SERINC5: variants seen among roughly 807,000 people sequenced by gnomAD.
SERINC5 encodes the protein chromosome 5 open reading frame 12.
In SERINC5, 41 loss-of-function variants were observed where a neutral mutation model predicts 63.1. That is an observed-to-expected ratio of 0.65 (90% CI 0.51 to 0.84). The LOEUF is 0.84. Among genes scored for constraint, SERINC5 ranks in the 40% least tolerant of loss-of-function variants. The pLI is 0.00. For synonymous variants in SERINC5, 222 were observed against 215.2 expected (o/e 1.03, Z -0.28); for missense variants, 523 against 573.0 (o/e 0.91, Z 0.89).
intron 11 of SERINC5, chr5:80,116,377 G>A: frequency 2.2e-6 from 1 of 455,694 alleles, no homozygotes; most frequent in South Asian, 1.6e-5. Context: ...CCTCTTCCTG[G>A]ACAGAGAATG....
rs1745631961 is a variant in SERINC5 at position 80,143,500 on chromosome 5, T to C, written c.*163A>G. ...GACAAACTGGTAGTTTCTTTTTGAA[T>C]TTCAAAAGTAAAAAGCTAATCAGGA... On this transcript the variant is annotated 3_prime_UTR_variant, in exon 12 of 12. Coordinates refer to ENST00000507668, the MANE Select transcript of SERINC5 (RefSeq NM_001174072.3). 2 of 1,357,256 alleles carry C rather than the reference T, an allele frequency of 1.5e-6. No individual in the cohort carries two copies. The highest frequency in any genetic ancestry group is 2.9e-5 in the African/African-American group (2 of 68,072). The allele number at this position is 1,357,256 out of a possible 1,614,324, so 84.1% of individuals were successfully genotyped here. A position where few individuals can be genotyped will look rare whatever the true frequency, so the allele number is the denominator to read the frequency against.
At chr5:80,181,051 G>T (rs1231996502) in intron 2 of SERINC5, among the ~76,000 whole-genome samples, 2 of 152,142 alleles carry the variant, frequency 1.3e-5, no homozygotes, top group South Asian at 2.1e-4. Flanking sequence ...TTCTCCAGGG[G>T]TGTGGCTAAT....
At chr5:80,121,275 G>A (rs1386504186) in intron 11 of SERINC5, among the ~76,000 whole-genome samples, 1 of 152,204 alleles carries the variant, frequency 6.6e-6, no homozygotes, top group Admixed American at 6.5e-5. Context: ...CAAGGTGCTG[G>A]CATCTGCTCA....
At chr5:80,121,786 CAG>C (rs539053604) in intron 11 of SERINC5, among the ~76,000 whole-genome samples, 38 of 152,168 alleles carry the variant, frequency 2.5e-4, no homozygotes, top group Admixed American at 2.1e-3. Flanking sequence ...CACATGGCGA[CAG>C]AGAGAGAAAG....
chr5:80,230,938 G>A lies in SERINC5; in HGVS notation c.27+24958C>T, dbSNP rs571496247. Among the ~76,000 whole-genome samples the A allele has an allele frequency of 1.6e-3, 248 of 152,058 alleles. 6 individuals are homozygous for A. In the South Asian group the frequency reaches 0.048, roughly 30 times the overall value. The stretch of plus-strand genomic sequence containing the variant: ...AGCAATCCTTCCTCCTCAGCCTCCC[G>A]AGTAGCTGGAACTACAGGCGCACAC... On this transcript the variant is annotated intron_variant, in intron 1 of 11. Coordinates refer to ENST00000507668, the MANE Select transcript of SERINC5 (RefSeq NM_001174072.3).
chr5:80,179,129 T>C (rs1482842284), intron 2 of SERINC5, among the ~76,000 whole-genome samples: 1 of 151,936 alleles, frequency 6.6e-6, no homozygotes, highest in Admixed American at 6.6e-5. Flanking sequence ...TGAAACCCTG[T>C]CTCTACTAAA....
chr5:80,139,208 T>G lies in SERINC5; in HGVS notation c.*4455A>C, dbSNP rs1745359275. ...TAAAAAATTAGCAAAGTTATATCTATAAAACTTTTGTAGTTTTCTTTTTGC... is the reference window on the plus strand; with the variant it reads ...TAAAAAATTAGCAAAGTTATATCTAGAAAACTTTTGTAGTTTTCTTTTTGC... On this transcript the variant is annotated 3_prime_UTR_variant, in exon 12 of 12. Transcript: ENST00000507668. 1.0e-6 allele frequency: 1 copy of G among 978,934 alleles called. No homozygotes were observed. The highest frequency in any genetic ancestry group is 1.2e-6 in the Non-Finnish European group (1 of 824,094). 60.6% of individuals were successfully genotyped at this position (978,934 alleles called of 1,614,324 possible). A position where few individuals can be genotyped will look rare whatever the true frequency, so the allele number is the denominator to read the frequency against.
intron 2 of SERINC5, among the ~76,000 whole-genome samples, chr5:80,202,413 G>A (rs545703031): frequency 4.1e-4 from 62 of 152,162 alleles, no homozygotes; most frequent in Non-Finnish European, 7.1e-4. Flanking sequence ...TGTCCATGAT[G>A]TGTCCAATGA....
intron 1 of SERINC5, among the ~76,000 whole-genome samples, chr5:80,207,536 T>A (rs1053946366): frequency 1.3e-5 from 2 of 152,206 alleles, no homozygotes; most frequent in Admixed American, 1.3e-4. Flanking sequence ...GGGACATGAT[T>A]GTGGAAAATG....
chr5:80,186,009 T>A (rs1748774171), intron 2 of SERINC5, among the ~76,000 whole-genome samples: 1 of 150,642 alleles, frequency 6.6e-6, no homozygotes, highest in South Asian at 2.1e-4. Flanking sequence ...ATCCACAAAC[T>A]AATGCATTCC....
chr5:80,234,073 G>A (rs1442384328), intron 1 of SERINC5, among the ~76,000 whole-genome samples: 3 of 152,006 alleles, frequency 2.0e-5, no homozygotes, highest in African/African-American at 7.2e-5. Flanking sequence ...GCCTCCCAAA[G>A]TGCTGGGATT....
At position 80,143,176 on chromosome 5, in the gene SERINC5, T is replaced by TG; in HGVS notation, c.*486dup. 2 of 986,504 alleles carry TG rather than the reference T, an allele frequency of 2.0e-6. No individual in the cohort carries two copies. Among genetic ancestry groups the TG allele is most frequent in the African/African-American group, 3.5e-5 (2 of 57,330 alleles). 61.1% of individuals were successfully genotyped at this position (986,504 alleles called of 1,614,324 possible). On this transcript the variant is annotated 3_prime_UTR_variant, in exon 12 of 12. Coordinates refer to ENST00000507668, the MANE Select transcript of SERINC5 (RefSeq NM_001174072.3). Reference sequence around the variant, plus strand: ...TGGACCCTATAAATACCAGGGGCCCTGCAGGCTGAGTCCTGTCCTCAAAGC... The same window carrying TG: ...TGGACCCTATAAATACCAGGGGCCCTGGCAGGCTGAGTCCTGTCCTCAAAGC...
At chr5:80,190,614 C>T (rs1452525543) in intron 2 of SERINC5, among the ~76,000 whole-genome samples, 2 of 152,176 alleles carry the variant, frequency 1.3e-5, no homozygotes, top group Non-Finnish European at 2.9e-5. Context: ...TAACGTTCTA[C>T]TAGTGAAATG....
intron 2 of SERINC5, among the ~76,000 whole-genome samples, chr5:80,178,820 A>C (rs1380461864): frequency 6.6e-6 from 1 of 152,032 alleles, no homozygotes; most frequent in East Asian, 1.9e-4. Context: ...TGGTGGGTAG[A>C]GTATTTGTAT....
chr5:80,208,307 A>AG (rs1194397407), intron 1 of SERINC5, among the ~76,000 whole-genome samples: 1 of 150,270 alleles, frequency 6.7e-6, no homozygotes, highest in African/African-American at 2.5e-5. Flanking sequence ...GCAAGTGGGG[A>AG]GGGGAGGTAT....
At position 80,141,440 on chromosome 5, in the gene SERINC5, G is replaced by A. The variant is rs1745497479; in HGVS notation, c.*2223C>T. Reference sequence around the variant, plus strand: ...CAAGGAATACAAGGCCTTGTCAGCTGGACCTTGACTGCGCGTAAGGTCAGT... The same window carrying A: ...CAAGGAATACAAGGCCTTGTCAGCTAGACCTTGACTGCGCGTAAGGTCAGT... On this transcript the variant is annotated 3_prime_UTR_variant, in exon 12 of 12. Coordinates refer to ENST00000507668, the MANE Select transcript of SERINC5 (RefSeq NM_001174072.3). The A allele has an allele frequency of 1.0e-6, 1 of 985,334 alleles. No individual in the cohort carries two copies. Among genetic ancestry groups the A allele is most frequent in the Admixed American group, 6.1e-5 (1 of 16,268 alleles). The allele number at this position is 985,334 out of a possible 1,614,324, so 61.0% of individuals were successfully genotyped here.
chr5:80,138,110 T>G (rs184287563), downstream of SERINC5, among the ~76,000 whole-genome samples: 1 of 151,032 alleles, frequency 6.6e-6, no homozygotes, highest in East Asian at 2.0e-4. Context: ...TCTTAAAAAG[T>G]CAAACTTCCT....
At chr5:80,148,189 CTTTTT>C (rs796769914) in intron 9 of SERINC5, among the ~76,000 whole-genome samples, 2 of 102,330 alleles carry the variant, frequency 2.0e-5, no homozygotes, top group Non-Finnish European at 3.9e-5. Flanking sequence ...ATTTTTTATT[CTTTTT>C]TTTTTTTTTT....
chr5:80,219,709 C>A (rs1230702756), intron 1 of SERINC5, among the ~76,000 whole-genome samples: 1 of 152,160 alleles, frequency 6.6e-6, no homozygotes, highest in Non-Finnish European at 1.5e-5. Flanking sequence ...TACCCCTTCG[C>A]CCCCAGCTTG....
Sources: gnomAD v4.1 joint callset for allele counts (sites outside exome capture counted in the v4.1 genomes callset) on GRCh38, gnomAD v4.1.1 for gene constraint, MANE v1.5 for transcripts, NCBI Gene and HGNC (gene_info 2026-07-23, HGNC 2026-07-21) for gene names.